Variants in KIAA0040 observed in about 807,000 individuals in gnomAD.
KIAA0040 encodes uncharacterized protein KIAA0040.
Under a neutral mutation model 7.2 loss-of-function variants are expected in KIAA0040, and 10 were observed. That is an observed-to-expected ratio of 1.38 (90% CI 0.85 to 2.34). The LOEUF is 2.34. KIAA0040 is among the 30% of genes most tolerant of loss of function. The probability of loss-of-function intolerance (pLI) is 0.00; values close to 1 mark genes in which losing one functional copy is unlikely to be tolerated. For synonymous variants in KIAA0040, 49 were observed against 40.1 expected, an observed-to-expected ratio of 1.22 and a Z score of -0.84; for missense variants, 89 against 108.2, an observed-to-expected ratio of 0.82 and a Z score of 0.79.
At chr1:175,161,388 G>A (rs1676537263) in intron 3 of KIAA0040, among the ~76,000 whole-genome samples, 1 of 152,144 alleles carries the variant, frequency 6.6e-6, no homozygotes. Context: ...AGTATATCAG[G>A]TCTGGCACGT....
At chr1:175,176,701 G>C (rs1424089546) in intron 2 of KIAA0040, among the ~76,000 whole-genome samples, 3 of 16,038 alleles carry the variant, frequency 1.9e-4, no homozygotes, top group Non-Finnish European at 2.9e-4. Flanking sequence ...TTTTTTTTTT[G>C]CTTCAGCACC....
chr1:175,171,124 T>C (rs551238334), intron 2 of KIAA0040, among the ~76,000 whole-genome samples: 1 of 152,354 alleles, frequency 6.6e-6, no homozygotes, highest in East Asian at 1.9e-4. Flanking sequence ...AAATACATTT[T>C]CATACAAATT....
rs1676490480 is a variant in KIAA0040, at chr1:175,160,642, T to C, written c.*72A>G. On this transcript the variant is annotated 3_prime_UTR_variant, in exon 4 of 4. Coordinates refer to ENST00000423313, the MANE Select transcript of KIAA0040 (RefSeq NM_014656.3). ...TGGACATAGTGCATTATTTCAGGGG[T>C]TCCTGAAATGTCTGTGTGTGGTCAG... The C allele has an allele frequency of 1.5e-6, 2 of 1,326,810 alleles. No individual in the cohort carries two copies. The highest frequency in any genetic ancestry group is 1.0e-6 in the Non-Finnish European group (1 of 985,816). The allele number at this position is 1,326,810 out of a possible 1,614,324, so 82.2% of individuals were successfully genotyped here. A position where few individuals can be genotyped will look rare whatever the true frequency, so the allele number is the denominator to read the frequency against.
At chr1:175,180,536 A>C (rs1242357068) in intron 1 of KIAA0040, among the ~76,000 whole-genome samples, 1 of 152,216 alleles carries the variant, frequency 6.6e-6, no homozygotes, top group Non-Finnish European at 1.5e-5. Context: ...TGCCAGTTGA[A>C]ATGTCAATAT....
chr1:175,176,600 G>GCAGAGAAC (rs1677198062), intron 2 of KIAA0040: 1 of 140,806 alleles, frequency 7.1e-6, no homozygotes. Context: ...GTTGATGAAT[G>GCAGAGAAC]CAGAGAACAT....
At chr1:175,181,233 TGGGGGGC>T (rs1446680275) in intron 1 of KIAA0040, among the ~76,000 whole-genome samples, 1 of 148,716 alleles carries the variant, frequency 6.7e-6, no homozygotes, top group Non-Finnish European at 1.5e-5. Flanking sequence ...TGTGTATTTG[TGGGGGGC>T]GGGGGGCTGG....
At chr1:175,170,541 G>A (rs1676947598) in intron 2 of KIAA0040, among the ~76,000 whole-genome samples, 1 of 152,090 alleles carries the variant, frequency 6.6e-6, no homozygotes, top group African/African-American at 2.4e-5. Context: ...CACCGCCCTA[G>A]CTGTTTATCA....
intron 1 of KIAA0040, among the ~76,000 whole-genome samples, chr1:175,185,860 A>G (rs1010215712): frequency 2.6e-5 from 4 of 152,258 alleles, no homozygotes; most frequent in Non-Finnish European, 5.9e-5. Context: ...CAGCCATAAA[A>G]AGGAATGAAG....
At position 175,158,845 on chromosome 1, in the gene KIAA0040, C is replaced by A. The variant is rs1676404914; in HGVS notation, c.*1869G>T. 6.6e-6 allele frequency: 1 copy of A among 152,274 alleles called. No homozygotes were observed. Among genetic ancestry groups the A allele is most frequent in the East Asian group, 1.9e-4 (1 of 5,186 alleles). The allele number at this position is 152,274 out of a possible 1,614,324, so 9.4% of individuals were successfully genotyped here. A position where few individuals can be genotyped will look rare whatever the true frequency, so the allele number is the denominator to read the frequency against. ...AGGTTTAAATTATGATTCACAGGGTCATCTGTTAGAAAACCCTGGTGCAAG... is the reference window on the plus strand; with the variant it reads ...AGGTTTAAATTATGATTCACAGGGTAATCTGTTAGAAAACCCTGGTGCAAG... On this transcript the variant is annotated 3_prime_UTR_variant, in exon 4 of 4. Coordinates refer to ENST00000423313, the MANE Select transcript of KIAA0040 (RefSeq NM_014656.3).
intron 2 of KIAA0040, among the ~76,000 whole-genome samples, chr1:175,167,569 C>T (rs1162490104): frequency 2.6e-5 from 4 of 152,056 alleles, no homozygotes; most frequent in African/African-American, 9.7e-5. Context: ...GTGAGAGCCA[C>T]GGGGTTTTAA....
At chr1:175,180,239 T>A (rs1177323446) in intron 1 of KIAA0040, among the ~76,000 whole-genome samples, 1 of 152,210 alleles carries the variant, frequency 6.6e-6, no homozygotes, top group East Asian at 1.9e-4. Flanking sequence ...TCATTGTTCT[T>A]CCTTTCTAGA....
intron 1 of KIAA0040, among the ~76,000 whole-genome samples, 186 bp downstream of exon 1, chr1:175,192,454 G>A (rs1677899428): frequency 6.6e-6 from 1 of 152,116 alleles, no homozygotes; most frequent in Non-Finnish European, 1.5e-5. Flanking sequence ...GAGAGTCCTC[G>A]CGAAGGAGGG....
At chr1:175,182,514 C>G (rs1318177714) in intron 1 of KIAA0040, among the ~76,000 whole-genome samples, 1 of 152,182 alleles carries the variant, frequency 6.6e-6, no homozygotes, top group African/African-American at 2.4e-5. Flanking sequence ...TCCTAAGAGT[C>G]AAGCCTAGAT....
intron 1 of KIAA0040, among the ~76,000 whole-genome samples, chr1:175,182,790 A>G (rs965466748): frequency 3.3e-5 from 5 of 152,270 alleles, no homozygotes; most frequent in Admixed American, 3.3e-4. Context: ...TGTGGGAACC[A>G]GATGAGTTAA....
intron 1 of KIAA0040, among the ~76,000 whole-genome samples, chr1:175,190,688 C>T (rs188896801): frequency 6.6e-6 from 1 of 152,326 alleles, no homozygotes; most frequent in Non-Finnish European, 1.5e-5. Flanking sequence ...TTCCTCAGTT[C>T]CCACTGCCAT....
chr1:175,189,472 A>G (rs1677787963), intron 1 of KIAA0040, among the ~76,000 whole-genome samples: 1 of 152,184 alleles, frequency 6.6e-6, no homozygotes, highest in Admixed American at 6.5e-5. Flanking sequence ...AACCTGCACA[A>G]GCAATAGCAG....
intron 1 of KIAA0040, among the ~76,000 whole-genome samples, chr1:175,185,227 A>T (rs1264810057): frequency 6.6e-6 from 1 of 152,216 alleles, no homozygotes; most frequent in Admixed American, 6.5e-5. Context: ...AAACATGTCT[A>T]ATCCCAAGTA....
chr1:175,173,780 T>C (rs187861208), intron 2 of KIAA0040, among the ~76,000 whole-genome samples: 58 of 152,270 alleles, frequency 3.8e-4, no homozygotes, highest in African/African-American at 1.3e-3. Flanking sequence ...TGAAGAGAAG[T>C]GCAATACAGC....
At position 175,172,473 on chromosome 1, in the gene KIAA0040, G is replaced by T. The variant is rs182754991; in HGVS notation, c.-310+5138C>A. Reference sequence around the variant, plus strand: ...ACATGCCTGTAGTTCCAGCTACTCAGGAGGCTGAGGCAGGAGGATTGCTTG... The same window carrying T: ...ACATGCCTGTAGTTCCAGCTACTCATGAGGCTGAGGCAGGAGGATTGCTTG... On this transcript the variant is annotated intron_variant, in intron 2 of 3. Coordinates refer to ENST00000423313, the MANE Select transcript of KIAA0040 (RefSeq NM_014656.3). 2.6e-5 allele frequency among the ~76,000 whole-genome samples: 4 copies of T among 152,320 alleles called. No individual in the cohort carries two copies. In the East Asian group the frequency reaches 7.7e-4, roughly 29 times the overall value.
Sources: allele counts gnomAD v4.1 joint callset (sites outside exome capture counted in the v4.1 genomes callset), GRCh38; gene constraint gnomAD v4.1.1; transcripts MANE v1.5; gene names NCBI Gene and HGNC (gene_info 2026-07-23, HGNC 2026-07-21).